VPS41: variants seen among roughly 807,000 people sequenced by gnomAD.
VPS41 encodes vacuolar protein sorting-associated protein 41 homolog.
VPS41 carries 85 observed loss-of-function variants against 130.9 expected under a neutral mutation model. The observed-to-expected ratio is 0.65, with a 90% CI of 0.55 to 0.78. VPS41 has a LOEUF of 0.78. VPS41 is among the 30% of genes least tolerant of loss of function. The pLI is 0.00. For missense variants in VPS41, 874 were observed against 1,018.7 expected, an observed-to-expected ratio of 0.86 and a Z score of 1.93; for synonymous variants, 335 against 332.9, an observed-to-expected ratio of 1.01 and a Z score of -0.07.
chr7:38,727,202 C>T (rs1354103138), intron 27 of VPS41: 1 of 369,014 alleles, frequency 2.7e-6, no homozygotes, highest in African/African-American at 2.1e-5. Context: ...AGGTTACTTG[C>T]TTAGCCTCTG....
At chr7:38,805,309 C>T (rs189845391) in intron 7 of VPS41, among the ~76,000 whole-genome samples, 24 of 152,112 alleles carry the variant, frequency 1.6e-4, no homozygotes, top group Admixed American at 1.4e-3. Context: ...CTGAGGTGGG[C>T]GGATCACAAG....
chr7:38,883,417 C>A (rs1280309050), intron 2 of VPS41, among the ~76,000 whole-genome samples: 2 of 152,126 alleles, frequency 1.3e-5, no homozygotes, highest in Non-Finnish European at 2.9e-5. Context: ...TTTGCTCTTC[C>A]TTTTACCTAT....
rs2115980591 is a variant in VPS41, at chr7:38,795,608, C to A, written c.574G>T (p.Val192Leu). 2 of 1,610,392 alleles carry A rather than the reference C, an allele frequency of 1.2e-6. No homozygotes were observed. The highest frequency in any genetic ancestry group is 2.2e-5 in the East Asian group (1 of 44,748). The change falls in exon 9 of 29, where the codon GTG becomes TTG. Residue 192 changes from valine (V) to leucine (L), a missense_variant. By Grantham distance (32) the Val-to-Leu change is conservative. Coordinates refer to ENST00000310301, the MANE Select transcript of VPS41 (RefSeq NM_014396.4). ...TTTGAGATGATGTCAAAAATCTTCACACCCTGGAAAATAATACAGCAGTAA... is the reference window on the plus strand; with the variant it reads ...TTTGAGATGATGTCAAAAATCTTCAAACCCTGGAAAATAATACAGCAGTAA... ...HLIAWANNMGVKIFDIISKQR... is the reference protein window; with the variant it reads ...HLIAWANNMGLKIFDIISKQR...
Position 38,796,638 on chromosome 7 carries a change from A to G in VPS41, c.570+107T>C. ...CCAATCGTCCTTACACCCTTTAGAA[A>G]TCACCACCACAGCAAGTGGCATCTT... On this transcript the variant is annotated intron_variant, in intron 8 of 28. Coordinates refer to ENST00000310301, the MANE Select transcript of VPS41 (RefSeq NM_014396.4). 2.6e-6 allele frequency: 4 copies of G among 1,549,320 alleles called. No individual in the cohort carries two copies. The South Asian group carries it at 4.5e-5, about 17-fold the overall frequency.
At chr7:38,802,299 G>A (rs1020770300) in intron 7 of VPS41, among the ~76,000 whole-genome samples, 6 of 152,090 alleles carry the variant, frequency 3.9e-5, no homozygotes, top group Non-Finnish European at 7.4e-5. Flanking sequence ...AGGCTCTCTC[G>A]CATGTGGCCT....
intron 10 of VPS41, 57 bp downstream of exon 10, chr7:38,789,744 A>C (rs1784502735): frequency 1.3e-6 from 2 of 1,579,718 alleles, no homozygotes; most frequent in Admixed American, 3.3e-5. Flanking sequence ...AGATTAATGA[A>C]GACGAAAATT....
intron 2 of VPS41, among the ~76,000 whole-genome samples, chr7:38,889,904 C>A (rs1456064954): frequency 3.9e-5 from 6 of 152,072 alleles, no homozygotes; most frequent in African/African-American, 1.4e-4. Context: ...AATATTTAAA[C>A]AATTGCACTT....
At chr7:38,839,995 G>A (rs189427045) in intron 4 of VPS41, among the ~76,000 whole-genome samples, 133 of 152,264 alleles carry the variant, frequency 8.7e-4, no homozygotes, top group African/African-American at 2.9e-3. Context: ...TCAGTGCTCC[G>A]GGGCCTCCCA....
chr7:38,814,060 A>G (rs1453955991), intron 7 of VPS41, among the ~76,000 whole-genome samples: 1 of 152,132 alleles, frequency 6.6e-6, no homozygotes, highest in Admixed American at 6.5e-5. Flanking sequence ...AGCTCTTCCC[A>G]TGTTATCTTA....
rs767897667 is a variant in VPS41 at position 38,742,102 on chromosome 7, T to C, written c.2142A>G (p.Leu714=). 6.2e-7 allele frequency: 1 copy of C among 1,608,364 alleles called. No individual in the cohort carries two copies. Among genetic ancestry groups the C allele is most frequent in the African/African-American group, 1.3e-5 (1 of 74,884 alleles). The change falls in exon 25 of 29, where the codon TTA becomes TTG. Residue 714 remains leucine (L), a synonymous_variant. Coordinates refer to ENST00000310301, the MANE Select transcript of VPS41 (RefSeq NM_014396.4). Reference sequence around the variant, plus strand: ...GGTCAACATGTGTGCCAATGTTGTTTAACAAGCCAGTAATAAATGCTACAA... The same window carrying C: ...GGTCAACATGTGTGCCAATGTTGTTCAACAAGCCAGTAATAAATGCTACAA... ...IDKPPFITGL[L]NNIGTHVDPI...
chr7:38,815,198 C>G (rs890560928), intron 7 of VPS41, among the ~76,000 whole-genome samples: 2 of 152,166 alleles, frequency 1.3e-5, no homozygotes, highest in Non-Finnish European at 2.9e-5. Flanking sequence ...CCGAGGTGGG[C>G]TGATCACCTG....
chr7:38,790,499 GA>G lies in VPS41; in HGVS notation c.718-633del, dbSNP rs919488109. On this transcript the variant is annotated intron_variant, in intron 9 of 28. Coordinates refer to ENST00000310301, the MANE Select transcript of VPS41 (RefSeq NM_014396.4). ...CCAAACAAGGATCAGAAATATTCAG[GA>G]AAAAAAAAAATTCTACAAAATTCCA... Among the ~76,000 whole-genome samples the G allele has an allele frequency of 9.1e-4, 133 of 146,420 alleles. 1 individual carries two copies. Among genetic ancestry groups the G allele is most frequent in the African/African-American group, 2.7e-3 (108 of 40,080 alleles).
chr7:38,859,448 A>T (rs112117913), intron 4 of VPS41, among the ~76,000 whole-genome samples: 2 of 152,078 alleles, frequency 1.3e-5, no homozygotes, highest in Non-Finnish European at 2.9e-5. Flanking sequence ...TCCATTCATG[A>T]TAAGTCTCCT....
In VPS41 at chr7:38,756,582, C is replaced by T. The variant is rs986834773; in HGVS notation, c.1695+256G>A. ...TTTTAGCAAGAAATTACTTTATATG[C>T]GCACACACACAACTTTAAAAGTTCT... On this transcript the variant is annotated intron_variant, in intron 19 of 28. Transcript: ENST00000310301. Among the ~76,000 whole-genome samples the T allele has an allele frequency of 1.1e-4, 17 of 152,260 alleles. 1 individual carries two copies. Among genetic ancestry groups the T allele is most frequent in the Middle Eastern group, 3.4e-3 (1 of 294 alleles).
At chr7:38,770,059 C>T (rs538650431) in intron 14 of VPS41, among the ~76,000 whole-genome samples, 5 of 152,078 alleles carry the variant, frequency 3.3e-5, no homozygotes, top group Non-Finnish European at 5.9e-5. Context: ...CACCTGAGGT[C>T]GGGAGTTCAA....
intron 2 of VPS41, among the ~76,000 whole-genome samples, chr7:38,881,801 C>T (rs73359632): frequency 0.016 from 2,508 of 152,176 alleles, 69 homozygotes; most frequent in African/African-American, 0.055. Flanking sequence ...ATTGTTGAGA[C>T]GATTAATAAA....
intron 16 of VPS41, 122 bp downstream of exon 16, chr7:38,765,458 T>C: frequency 1.6e-6 from 1 of 637,576 alleles, no homozygotes; most frequent in South Asian, 2.3e-5. Flanking sequence ...GTTTGATTTT[T>C]CTTTCCATCT....
At chr7:38,874,006 T>C (rs1321980481) in intron 2 of VPS41, among the ~76,000 whole-genome samples, 2 of 152,208 alleles carry the variant, frequency 1.3e-5, no homozygotes, top group Non-Finnish European at 2.9e-5. Context: ...TGGTCTTGTA[T>C]ACCAACAAGA....
rs57368681 is a variant in VPS41, at chr7:38,853,418, CAAAAAAAA to C, written c.246+9119_246+9126del. ...TGGGCGACAGAGCGAGACTCCTTCT[CAAAAAAAA>C]AAAAAAAAAAAAAAAGTATCACTGT... On this transcript the variant is annotated intron_variant, in intron 4 of 28. Coordinates refer to ENST00000310301, the MANE Select transcript of VPS41 (RefSeq NM_014396.4). 1.9e-3 allele frequency among the ~76,000 whole-genome samples: 153 copies of C among 78,926 alleles called. 1 individual carries two copies. The highest frequency in any genetic ancestry group is 8.5e-3 in the African/African-American group (149 of 17,552). The allele number at this position is 78,926 out of a possible 152,430, so 51.8% of individuals were successfully genotyped here.
Sources: allele counts gnomAD v4.1 joint callset (sites outside exome capture counted in the v4.1 genomes callset), GRCh38; gene constraint gnomAD v4.1.1; transcripts MANE v1.5; gene names NCBI Gene and HGNC (gene_info 2026-07-23, HGNC 2026-07-21).